TBC1D31: variants seen among roughly 807,000 people sequenced by gnomAD.
TBC1D31 encodes WD repeat domain 67.
TBC1D31 carries 99 observed loss-of-function variants against 132.9 expected under a neutral mutation model. The observed-to-expected ratio is 0.74, with a 90% CI of 0.63 to 0.88. The LOEUF is 0.88. Ranked by LOEUF, TBC1D31 falls within the 40% of genes least tolerant of loss-of-function variation. The pLI is 0.00. For missense variants in TBC1D31, 1,134 were observed against 1,256.6 expected (o/e 0.90, Z 1.48); for synonymous variants, 385 against 419.4 (o/e 0.92, Z 1.00).
intron 4 of TBC1D31, among the ~76,000 whole-genome samples, chr8:123,084,708 G>A (rs1429326716): frequency 6.6e-6 from 1 of 151,834 alleles, no homozygotes; most frequent in Admixed American, 6.6e-5. Context: ...CCATTAACAT[G>A]TTACTGTACT....
chr8:123,084,776 T>C (rs892224993), intron 4 of TBC1D31, among the ~76,000 whole-genome samples: 1 of 68,858 alleles, frequency 1.5e-5, no homozygotes, highest in East Asian at 2.7e-4. Flanking sequence ...CCATCTTTCT[T>C]TTTTTTTTTG....
chr8:123,138,171 T>C (rs543296399), intron 17 of TBC1D31, among the ~76,000 whole-genome samples: 2 of 152,310 alleles, frequency 1.3e-5, no homozygotes, highest in East Asian at 3.9e-4. Flanking sequence ...TATGTTCTGC[T>C]TGTCTTCTTC....
chr8:123,161,712 G>A, the TBC1D31 span, among the ~76,000 whole-genome samples: 1 of 152,030 alleles, frequency 6.6e-6, no homozygotes, highest in Admixed American at 6.6e-5. Flanking sequence ...TTGAGTATAT[G>A]ACATTTAAAA....
chr8:123,164,863 C>G, the TBC1D31 span, among the ~76,000 whole-genome samples: 3 of 152,172 alleles, frequency 2.0e-5, no homozygotes, highest in Non-Finnish European at 2.9e-5. Flanking sequence ...AAAATAAACA[C>G]TTGGGTTTTA....
In TBC1D31 at chr8:123,084,240, A is replaced by G; in HGVS notation, c.419A>G (p.Tyr140Cys). 2.5e-6 allele frequency: 4 copies of G among 1,614,168 alleles called. No homozygotes were observed. Among genetic ancestry groups the G allele is most frequent in the Non-Finnish European group, 3.4e-6 (4 of 1,179,990 alleles). Residue 140 changes from tyrosine to cysteine, a missense_variant, in exon 4 of 22, where the codon TAT becomes TGT. Physicochemically the swap from Tyr to Cys is radical, Grantham distance 194. Transcript: ENST00000287380. ...FSISVHASGK[Y>C]AITTSSDTAQ... is the part of the protein sequence containing the mutation. ...ATCTCTGTGCATGCATCAGGGAAATATGCCATCACAACTTCTTCTGATACA... is the reference window on the plus strand; with the variant it reads ...ATCTCTGTGCATGCATCAGGGAAATGTGCCATCACAACTTCTTCTGATACA...
At chr8:123,148,840 C>A (rs1318729533) in intron 20 of TBC1D31, among the ~76,000 whole-genome samples, 1 of 152,072 alleles carries the variant, frequency 6.6e-6, no homozygotes, top group Non-Finnish European at 1.5e-5. Flanking sequence ...TTCGACCTGG[C>A]CGACATGGCC....
At chr8:123,140,092 G>C (rs1371932851) in intron 17 of TBC1D31, among the ~76,000 whole-genome samples, 1 of 152,136 alleles carries the variant, frequency 6.6e-6, no homozygotes, top group Non-Finnish European at 1.5e-5. Flanking sequence ...GGACATGGTG[G>C]CTCACACCTG....
chr8:123,090,138 C>T (rs540905627), intron 4 of TBC1D31, among the ~76,000 whole-genome samples: 1 of 152,258 alleles, frequency 6.6e-6, no homozygotes, highest in South Asian at 2.1e-4. Flanking sequence ...TAGTATGTTC[C>T]ATGAACCTTC....
At chr8:123,126,971 C>T (rs1820113083) in intron 13 of TBC1D31, among the ~76,000 whole-genome samples, 1 of 152,090 alleles carries the variant, frequency 6.6e-6, no homozygotes, top group East Asian at 1.9e-4. Flanking sequence ...AAACTCCTGA[C>T]CTCGTGATCC....
intron 11 of TBC1D31, among the ~76,000 whole-genome samples, chr8:123,124,939 A>T (rs941029637): frequency 3.3e-5 from 3 of 91,816 alleles, no homozygotes; most frequent in African/African-American, 9.1e-5. Flanking sequence ...TCCGTCTCAC[A>T]AAAAAAAAAA....
At chr8:123,087,093 G>C (rs1815842755) in intron 4 of TBC1D31, among the ~76,000 whole-genome samples, 1 of 152,158 alleles carries the variant, frequency 6.6e-6, no homozygotes, top group Non-Finnish European at 1.5e-5. Flanking sequence ...GGAATTATAG[G>C]TCTTTCCTCT....
intron 7 of TBC1D31, among the ~76,000 whole-genome samples, chr8:123,102,093 G>T (rs10956116): frequency 0.44 from 65,818 of 150,798 alleles, 15,041 homozygotes; most frequent in African/African-American, 0.58. Context: ...TCCATTTCAC[G>T]AAAATGCATG....
intron 11 of TBC1D31, among the ~76,000 whole-genome samples, chr8:123,122,106 G>A (rs1586675943): frequency 1.3e-5 from 2 of 152,140 alleles, no homozygotes; most frequent in Admixed American, 6.5e-5. Context: ...GTAAAATGGT[G>A]CAGTCACTAT....
At chr8:123,113,686 A>C (rs972195660) in intron 10 of TBC1D31, among the ~76,000 whole-genome samples, 1 of 152,218 alleles carries the variant, frequency 6.6e-6, no homozygotes, top group East Asian at 1.9e-4. Flanking sequence ...TACCATTGTA[A>C]CTAATTCTGT....
intron 3 of TBC1D31, chr8:123,083,455 G>C (rs1815393400): frequency 6.6e-6 from 1 of 151,502 alleles, no homozygotes; most frequent in Admixed American, 6.6e-5. Flanking sequence ...ATAGGGTTTT[G>C]TCATGTTGCC....
intron 11 of TBC1D31, among the ~76,000 whole-genome samples, chr8:123,122,094 A>G (rs970734310): frequency 1.3e-5 from 2 of 152,210 alleles, no homozygotes; most frequent in Non-Finnish European, 2.9e-5. Flanking sequence ...GCTGGTAGAC[A>G]TGTAAAATGG....
intron 10 of TBC1D31, among the ~76,000 whole-genome samples, chr8:123,109,991 G>T (rs747378237): frequency 6.6e-6 from 1 of 152,158 alleles, no homozygotes; most frequent in Admixed American, 6.5e-5. Flanking sequence ...TACTCAGGAG[G>T]CTGAGGCAGG....
chr8:123,126,292 C>G, intron 12 of TBC1D31, 103 bp downstream of exon 12: 2 of 1,384,212 alleles, frequency 1.4e-6, no homozygotes, highest in South Asian at 3.0e-5. Flanking sequence ...AAAAAGCATA[C>G]TACATGTTGT....
chr8:123,073,538 C>G (rs1463546774), intron 1 of TBC1D31: 2 of 374,568 alleles, frequency 5.3e-6, no homozygotes, highest in Non-Finnish European at 1.1e-5. Context: ...GAGGCTCAGC[C>G]TGTCTTGTTT....
Sources: allele counts gnomAD v4.1 joint callset (sites outside exome capture counted in the v4.1 genomes callset), GRCh38; gene constraint gnomAD v4.1.1; transcripts MANE v1.5; gene names NCBI Gene and HGNC (gene_info 2026-07-23, HGNC 2026-07-21).